DDHD2: variants seen among roughly 807,000 people sequenced by gnomAD.
DDHD2 encodes the protein DDHD domain containing 2, also known as triacylglycerol hydrolase DDHD2.
Under a neutral mutation model 91.2 loss-of-function variants are expected in DDHD2, and 62 were observed. The ratio of observed to expected loss-of-function variants is 0.68; its 90% CI spans 0.55 to 0.84. DDHD2 has a LOEUF of 0.84. DDHD2 is among the 40% of genes least tolerant of loss of function. DDHD2 has a pLI of 0.00. For synonymous variants in DDHD2, 271 were observed against 293.9 expected, an observed-to-expected ratio of 0.92 and a Z score of 0.80; for missense variants, 740 against 846.9, an observed-to-expected ratio of 0.87 and a Z score of 1.57.
chr8:38,247,544 A>G (rs998337518), intron 9 of DDHD2, 169 bp from the exon 10 acceptor site: 3 of 406,192 alleles, frequency 7.4e-6, no homozygotes, highest in South Asian at 9.5e-5. Flanking sequence ...CATATTTTCA[A>G]TTGAAGTTGC....
downstream of DDHD2, chr8:38,264,722 C>T: frequency 2.8e-6 from 4 of 1,437,100 alleles, no homozygotes; most frequent in Non-Finnish European, 1.8e-6. Flanking sequence ...AAAATAACCT[C>T]AATTCCAGAC....
chr8:38,268,418 T>C, intron 1 of DDHD2: 1 of 1,578,378 alleles, frequency 6.3e-7, no homozygotes, highest in Non-Finnish European at 8.6e-7. Flanking sequence ...CTTGAGAAAT[T>C]TGGCCAGGAA....
intron 7 of DDHD2, 43 bp from the exon 8 acceptor site, chr8:38,245,699 G>T: frequency 1.3e-6 from 2 of 1,522,742 alleles, no homozygotes; most frequent in Non-Finnish European, 1.8e-6. Context: ...CAGCTATTAA[G>T]TGTATTTAGG....
intron 16 of DDHD2, among the ~76,000 whole-genome samples, chr8:38,254,234 A>G (rs1806338690): frequency 6.6e-6 from 1 of 152,220 alleles, no homozygotes; most frequent in Non-Finnish European, 1.5e-5. Flanking sequence ...GCCAACAACC[A>G]TAAGTTCAAT....
intron 1 of DDHD2, chr8:38,269,062 GC>G: frequency 6.6e-7 from 1 of 1,522,284 alleles, no homozygotes; most frequent in Non-Finnish European, 8.8e-7. Flanking sequence ...CCGACCCGCC[GC>G]CCCGTGCCGC....
downstream of DDHD2, chr8:38,263,190 A>G (rs1377343799): frequency 6.3e-6 from 1 of 157,902 alleles, no homozygotes; most frequent in Non-Finnish European, 1.4e-5. Context: ...AGGAACATAC[A>G]CATAAAAGAC....
intron 10 of DDHD2, among the ~76,000 whole-genome samples, chr8:38,248,093 G>GAACA (rs531667200): frequency 2.5e-4 from 38 of 152,310 alleles, no homozygotes; most frequent in Middle Eastern, 3.4e-3. Flanking sequence ...ATGAGTGCAA[G>GAACA]AACAAACAAA....
downstream of DDHD2, chr8:38,272,380 A>C (rs1407538406): frequency 2.6e-5 from 4 of 152,234 alleles, no homozygotes; most frequent in South Asian, 2.1e-4. Flanking sequence ...TCACTCCTGT[A>C]TCTCTCCCTG....
chr8:38,247,380 A>G (rs919449168), intron 9 of DDHD2: 1 of 158,314 alleles, frequency 6.3e-6, no homozygotes, highest in African/African-American at 2.4e-5. Flanking sequence ...TCGGCCTCCC[A>G]AAGTGCTGGG....
chr8:38,238,761 TAG>T (rs1340651935), intron 5 of DDHD2: 1 of 807,406 alleles, frequency 1.2e-6, no homozygotes, highest in Non-Finnish European at 1.5e-6. Flanking sequence ...AATGAAATAC[TAG>T]ATAAAAGTAT....
chr8:38,268,635 G>T, intron 1 of DDHD2: 1 of 1,437,868 alleles, frequency 7.0e-7, no homozygotes, highest in Non-Finnish European at 9.1e-7. Context: ...CGTGCGGCTC[G>T]GGCCCCGGTA....
At chr8:38,258,916 G>A (rs763182442) in intron 16 of DDHD2, among the ~76,000 whole-genome samples, 2 of 152,148 alleles carry the variant, frequency 1.3e-5, no homozygotes, top group Non-Finnish European at 2.9e-5. Flanking sequence ...ATCAAATTTT[G>A]TTATGAAGTG....
At chr8:38,267,805 T>A, downstream of DDHD2, 1 of 1,268,100 alleles carries the variant, frequency 7.9e-7, no homozygotes. Flanking sequence ...GAGAAAAGAA[T>A]GAGAAAGACG....
At chr8:38,270,322 A>T (rs1585841066) in intron 1 of DDHD2, 2 of 152,360 alleles carry the variant, frequency 1.3e-5, no homozygotes, top group East Asian at 3.9e-4. Flanking sequence ...TCATTATCAT[A>T]AAGAACACGA....
In DDHD2 at chr8:38,240,309, A is replaced by G; in HGVS notation, c.657A>G (p.Val219=). The G allele has an allele frequency of 6.2e-7, 1 of 1,609,802 alleles. No individual in the cohort carries two copies. The highest frequency in any genetic ancestry group is 8.5e-7 in the Non-Finnish European group (1 of 1,176,810). Residue 219 remains valine, a synonymous_variant, in exon 6 of 18, where the codon GTA becomes GTG. Transcript: ENST00000397166. The stretch of plus-strand genomic sequence containing the variant: ...TACAAATAGATCACTTGGTTTTTGT[A>G]GTCCATGGGATTGGACCAGCTTGTG... ...EPLQIDHLVF[V]VHGIGPACDL...
intron 16 of DDHD2, among the ~76,000 whole-genome samples, chr8:38,257,642 A>C (rs1203224992): frequency 6.6e-6 from 1 of 150,506 alleles, no homozygotes; most frequent in Admixed American, 6.7e-5. Flanking sequence ...CTTACTTTCC[A>C]AAAAAATTCT....
intron 4 of DDHD2, 123 bp from the exon 5 acceptor site, chr8:38,237,966 T>G: frequency 1.0e-6 from 1 of 988,000 alleles, no homozygotes; most frequent in Non-Finnish European, 1.5e-6. Context: ...GAGTTGTATA[T>G]CAAAACTCCA....
At position 38,231,697 on chromosome 8, in the gene DDHD2, T is replaced by C. The variant is rs891495691; in HGVS notation, c.-171T>C. On this transcript the variant is annotated 5_prime_UTR_variant, in exon 1 of 18. Coordinates refer to ENST00000397166, the MANE Select transcript of DDHD2 (RefSeq NM_015214.3). ...GCATCCGGGCCCGCTACTCGCCCAC[T>C]GGGAGCGCCGTGGCGCCTGGTGTTC... The C allele has an allele frequency of 3.3e-5, 5 of 152,086 alleles. No homozygotes were observed. Among genetic ancestry groups the C allele is most frequent in the Admixed American group, 1.3e-4 (2 of 15,262 alleles). The allele number at this position is 152,086 out of a possible 1,614,324, so 9.4% of individuals were successfully genotyped here.
At chr8:38,265,005 A>G, downstream of DDHD2, 1 of 1,232,494 alleles carries the variant, frequency 8.1e-7, no homozygotes. Flanking sequence ...ACGGTGACTC[A>G]CGCCTGTAAT....
Sources: allele counts gnomAD v4.1 joint callset (sites outside exome capture counted in the v4.1 genomes callset), GRCh38; gene constraint gnomAD v4.1.1; transcripts MANE v1.5; gene names NCBI Gene and HGNC (gene_info 2026-07-23, HGNC 2026-07-21).